SGCD: variants seen among roughly 807,000 people sequenced by gnomAD.
The protein encoded by SGCD is sarcoglycan delta.
In SGCD, 18 loss-of-function variants were observed where a neutral mutation model predicts 36.6. The ratio of observed to expected loss-of-function variants is 0.49; its 90% CI spans 0.34 to 0.73. SGCD has a LOEUF of 0.73. SGCD is among the 30% of genes least tolerant of loss of function. The pLI is 0.01. For synonymous variants in SGCD, 133 were observed against 130.6 expected (o/e 1.02, Z -0.12); for missense variants, 387 against 346.7 (o/e 1.12, Z -0.92).
At chr5:156,088,323 A>C (rs1761153117) in intron 1 of SGCD, among the ~76,000 whole-genome samples, 1 of 152,074 alleles carries the variant, frequency 6.6e-6, no homozygotes, top group Admixed American at 6.5e-5. Flanking sequence ...AGGCTTCCCA[A>C]GTCCAGAGTC....
intron 3 of SGCD, among the ~76,000 whole-genome samples, chr5:156,315,012 A>G (rs1337543204): frequency 1.3e-5 from 2 of 151,996 alleles, no homozygotes; most frequent in Non-Finnish European, 2.9e-5. Context: ...CAATCAATCT[A>G]ATTAACATAG....
chr5:156,183,447 A>C (rs1024375577), intron 3 of SGCD, among the ~76,000 whole-genome samples: 1 of 152,148 alleles, frequency 6.6e-6, no homozygotes, highest in African/African-American at 2.4e-5. Context: ...TTGCTTTGTC[A>C]CCCAGGCTGG....
At chr5:155,776,255 A>T in the SGCD span, among the ~76,000 whole-genome samples, 1 of 151,956 alleles carries the variant, frequency 6.6e-6, no homozygotes, top group South Asian at 2.1e-4. Flanking sequence ...CCTTAGGGGG[A>T]CTCAGTCTGG....
intron 1 of SGCD, among the ~76,000 whole-genome samples, chr5:155,887,871 A>T (rs1756044118): frequency 6.6e-6 from 1 of 152,218 alleles, no homozygotes. Flanking sequence ...CATTCACTTT[A>T]TGTTGATCCT....
At chr5:156,716,673 G>A (rs1028620627) in intron 7 of SGCD, among the ~76,000 whole-genome samples, 4 of 152,106 alleles carry the variant, frequency 2.6e-5, no homozygotes, top group Non-Finnish European at 5.9e-5. Context: ...GGTGTTTTCC[G>A]GATCTAATGC....
intron 3 of SGCD, among the ~76,000 whole-genome samples, chr5:156,446,431 C>T (rs990962141): frequency 2.0e-5 from 3 of 151,946 alleles, no homozygotes; most frequent in Admixed American, 6.6e-5. Flanking sequence ...CTGAAGAGAA[C>T]TGGACTAGGA....
At chr5:156,497,644 T>TCTCTCA (rs768823725) in intron 3 of SGCD, among the ~76,000 whole-genome samples, 1 of 141,536 alleles carries the variant, frequency 7.1e-6, no homozygotes, top group South Asian at 2.1e-4. Context: ...TCTCTCTCTC[T>TCTCTCA]CACACACACA....
intron 1 of SGCD, among the ~76,000 whole-genome samples, chr5:155,940,256 C>G (rs1757295103): frequency 6.6e-6 from 1 of 152,176 alleles, no homozygotes; most frequent in South Asian, 2.1e-4. Flanking sequence ...GTTTTTCTCC[C>G]TCAAGTATCC....
chr5:155,945,539 G>A (rs535043577), intron 1 of SGCD, among the ~76,000 whole-genome samples: 1 of 152,204 alleles, frequency 6.6e-6, no homozygotes, highest in Non-Finnish European at 1.5e-5. Context: ...CTGAGGAGCT[G>A]TGAAAGCATT....
intron 3 of SGCD, among the ~76,000 whole-genome samples, chr5:156,125,040 A>G (rs1433373669): frequency 6.6e-6 from 1 of 152,216 alleles, no homozygotes; most frequent in Admixed American, 6.5e-5. Flanking sequence ...GTAGGATTGC[A>G]TTCACTGCTG....
intron 4 of SGCD, among the ~76,000 whole-genome samples, chr5:156,574,787 G>A (rs141627749): frequency 2.0e-3 from 301 of 152,192 alleles, no homozygotes; most frequent in African/African-American, 6.9e-3. Context: ...TTAGTAATTC[G>A]AATCTCAACT....
At chr5:156,179,683 G>T (rs1405628803) in intron 3 of SGCD, among the ~76,000 whole-genome samples, 1 of 149,376 alleles carries the variant, frequency 6.7e-6, no homozygotes, top group East Asian at 2.0e-4. Context: ...GTGCACTGGC[G>T]TGATCTCGGC....
At chr5:156,258,709 T>C (rs568589494) in intron 3 of SGCD, among the ~76,000 whole-genome samples, 1 of 152,284 alleles carries the variant, frequency 6.6e-6, no homozygotes, top group African/African-American at 2.4e-5. Flanking sequence ...TTTGTAAAAA[T>C]GCAAAATGTT....
chr5:156,662,889 G>T (rs1049774813), intron 7 of SGCD, among the ~76,000 whole-genome samples: 1 of 150,772 alleles, frequency 6.6e-6, no homozygotes, highest in Admixed American at 6.6e-5. Context: ...TTTTGGTAGC[G>T]GCCACTGATT....
chr5:156,474,354 C>T (rs1407510027), intron 3 of SGCD, among the ~76,000 whole-genome samples: 1 of 152,242 alleles, frequency 6.6e-6, no homozygotes, highest in Admixed American at 6.5e-5. Flanking sequence ...CACCCAGGCA[C>T]TCTAGGCTGT....
chr5:156,576,597 A>G (rs923532186), intron 4 of SGCD, among the ~76,000 whole-genome samples: 2 of 152,076 alleles, frequency 1.3e-5, no homozygotes, highest in African/African-American at 2.4e-5. Flanking sequence ...TTGTTTCCCA[A>G]TTTTATAATG....
intron 3 of SGCD, among the ~76,000 whole-genome samples, chr5:156,289,168 C>G (rs917020607): frequency 6.6e-6 from 1 of 151,952 alleles, no homozygotes; most frequent in Non-Finnish European, 1.5e-5. Context: ...TTGATCCCCT[C>G]GTGGATATTC....
chr5:156,589,414 A>G (rs1237301260), intron 5 of SGCD, 96 bp downstream of exon 5: 3 of 691,890 alleles, frequency 4.3e-6, no homozygotes, highest in Admixed American at 4.7e-5. Flanking sequence ...ACCTGAAAAT[A>G]AAGTGTGCTA....
At chr5:156,586,713 G>C (rs1760508170) in intron 4 of SGCD, among the ~76,000 whole-genome samples, 2 of 152,148 alleles carry the variant, frequency 1.3e-5, no homozygotes, top group South Asian at 4.1e-4. Context: ...GTTGTCTTCT[G>C]TGTCACTTTG....
Sources: gnomAD v4.1 joint callset for allele counts (sites outside exome capture counted in the v4.1 genomes callset) on GRCh38, gnomAD v4.1.1 for gene constraint, MANE v1.5 for transcripts, NCBI Gene and HGNC (gene_info 2026-07-23, HGNC 2026-07-21) for gene names.